The following CNTNAP2 variants were observed in gnomAD, a reference collection of about 807,000 sequenced individuals.
The protein encoded by CNTNAP2 is contactin associated protein 2.
A neutral mutation model predicts 155.2 loss-of-function variants in CNTNAP2; 98 were observed. The observed-to-expected ratio is 0.63, with a 90% CI of 0.54 to 0.75. The LOEUF is 0.75. CNTNAP2 is among the 30% of genes least tolerant of loss of function. The pLI is 0.00. For synonymous variants in CNTNAP2, 651 were observed against 631.2 expected (o/e 1.03, Z -0.47); for missense variants, 1,727 against 1,688.1 (o/e 1.02, Z -0.40).
intron 1 of CNTNAP2, among the ~76,000 whole-genome samples, chr7:146,721,752 T>TCTACATATATAGA: frequency 8.1e-6 from 1 of 123,486 alleles, no homozygotes; most frequent in African/African-American, 3.4e-5. Context: ...ATATATATAT[T>TCTACATATATAGA]CTATATATAG....
At chr7:147,725,978 C>A (rs1330187833) in intron 13 of CNTNAP2, among the ~76,000 whole-genome samples, 2 of 151,888 alleles carry the variant, frequency 1.3e-5, no homozygotes, top group Non-Finnish European at 2.9e-5. Flanking sequence ...GGGATGTTTT[C>A]TTTTTAACAA....
intron 1 of CNTNAP2, among the ~76,000 whole-genome samples, chr7:146,321,329 T>G (rs1402981284): frequency 6.6e-6 from 1 of 152,342 alleles, no homozygotes; most frequent in Admixed American, 6.5e-5. Context: ...AAATTTGTTT[T>G]ACTTTTTAGG....
At position 147,714,180 on chromosome 7, in the gene CNTNAP2, T is replaced by C. The variant is rs1360287504; in HGVS notation, c.2098+74874T>C. On this transcript the variant is annotated intron_variant, in intron 13 of 23. Coordinates refer to ENST00000361727, the MANE Select transcript of CNTNAP2 (RefSeq NM_014141.6). ...AAAAGGGACAAACAGTGCTGACTTGTGACTCTCCAAATCCTTCTCTTTCCC... is the reference window on the plus strand; with the variant it reads ...AAAAGGGACAAACAGTGCTGACTTGCGACTCTCCAAATCCTTCTCTTTCCC... 5.3e-5 allele frequency among the ~76,000 whole-genome samples: 8 copies of C among 151,986 alleles called. No homozygotes were observed. The South Asian group carries it at 6.2e-4, about 12-fold the overall frequency.
At chr7:148,338,330 T>G (rs1563049275) in intron 21 of CNTNAP2, among the ~76,000 whole-genome samples, 1 of 152,244 alleles carries the variant, frequency 6.6e-6, no homozygotes, top group Non-Finnish European at 1.5e-5. Flanking sequence ...TGATCCTTTT[T>G]GCAGAACCTG....
At chr7:146,771,184 T>G (rs1401703513) in intron 1 of CNTNAP2, among the ~76,000 whole-genome samples, 3 of 152,218 alleles carry the variant, frequency 2.0e-5, no homozygotes, top group Non-Finnish European at 4.4e-5. Flanking sequence ...CATAGCATAC[T>G]ATAAATTTAC....
intron 1 of CNTNAP2, among the ~76,000 whole-genome samples, chr7:146,720,376 G>A (rs1223451638): frequency 6.6e-6 from 1 of 152,050 alleles, no homozygotes; most frequent in Non-Finnish European, 1.5e-5. Flanking sequence ...GACCCTGGTA[G>A]CCTCCCTAGA....
chr7:147,003,093 A>G (rs1391088151), intron 3 of CNTNAP2, among the ~76,000 whole-genome samples: 1 of 152,086 alleles, frequency 6.6e-6, no homozygotes, highest in African/African-American at 2.4e-5. Flanking sequence ...TTTCAAACAA[A>G]GAAATGAATA....
intron 13 of CNTNAP2, among the ~76,000 whole-genome samples, chr7:147,699,251 T>C (rs1796203294): frequency 6.7e-6 from 1 of 148,402 alleles, no homozygotes; most frequent in Non-Finnish European, 1.5e-5. Context: ...AAAAAAACGC[T>C]TTTTAAAAGA....
At chr7:146,192,925 C>G (rs533006148) in intron 1 of CNTNAP2, among the ~76,000 whole-genome samples, 3 of 152,290 alleles carry the variant, frequency 2.0e-5, no homozygotes, top group East Asian at 3.9e-4. Flanking sequence ...GTAAATACAC[C>G]TGTTCCAAAT....
chr7:146,933,442 A>T (rs1453319855), intron 3 of CNTNAP2, among the ~76,000 whole-genome samples: 1 of 151,604 alleles, frequency 6.6e-6, no homozygotes, highest in Non-Finnish European at 1.5e-5. Context: ...TTAATTCAGG[A>T]TGGATTAAAG....
chr7:148,337,353 G>T lies in CNTNAP2; in HGVS notation c.3476-46296G>T, dbSNP rs904832474. ...CCACAAGGAGCCTCCTCCCTGAGCC[G>T]GGAGGACTTTCCTTCTCTCCTATGA... On this transcript the variant is annotated intron_variant, in intron 21 of 23. Coordinates refer to ENST00000361727, the MANE Select transcript of CNTNAP2 (RefSeq NM_014141.6). 2.6e-5 allele frequency among the ~76,000 whole-genome samples: 4 copies of T among 152,160 alleles called. No individual in the cohort carries two copies. In the East Asian group the frequency reaches 5.8e-4, roughly 22 times the overall value.
chr7:148,016,776 G>GT (rs910243337), intron 15 of CNTNAP2, among the ~76,000 whole-genome samples: 3 of 152,124 alleles, frequency 2.0e-5, no homozygotes, highest in African/African-American at 4.8e-5. Context: ...AATCACAGAG[G>GT]TTTTTTCATG....
intron 1 of CNTNAP2, among the ~76,000 whole-genome samples, chr7:146,626,496 A>C (rs1563162412): frequency 6.6e-6 from 1 of 152,116 alleles, no homozygotes; most frequent in African/African-American, 2.4e-5. Flanking sequence ...GTTGACTTAG[A>C]GTTACTAATT....
Position 148,228,361 on chromosome 7 carries a change from G to A in CNTNAP2, c.3248-1285G>A, listed in dbSNP as rs141793762. 6.0e-3 allele frequency among the ~76,000 whole-genome samples: 911 copies of A among 152,104 alleles called. 12 individuals carry two copies. The highest frequency in any genetic ancestry group is 0.02 in the African/African-American group (848 of 41,498). On this transcript the variant is annotated intron_variant, in intron 19 of 23. Transcript: ENST00000361727. ...TTTATTGTTGGGACGAAGCAAGGAG[G>A]AAAAAAAGAATATACTGTTGAGGCA...
chr7:147,698,480 A>C (rs1796192231), intron 13 of CNTNAP2, among the ~76,000 whole-genome samples: 1 of 152,224 alleles, frequency 6.6e-6, no homozygotes. Context: ...TTAAATATGA[A>C]AAAAAATCAT....
chr7:146,887,536 T>C lies in CNTNAP2; in HGVS notation c.402+47632T>C, dbSNP rs1406017840. The stretch of plus-strand genomic sequence containing the variant: ...CAGCCTGACCTTCATTATTAATAAG[T>C]ATGAGTAAAGCCATTGAATCAGTTT... On this transcript the variant is annotated intron_variant, in intron 3 of 23. Coordinates refer to ENST00000361727, the MANE Select transcript of CNTNAP2 (RefSeq NM_014141.6). Among the ~76,000 whole-genome samples, 3 of 152,136 alleles carry C rather than the reference T, an allele frequency of 2.0e-5. No individual in the cohort carries two copies. In the East Asian group the frequency reaches 5.8e-4, roughly 29 times the overall value.
chr7:147,841,995 G>A (rs1202033178), intron 13 of CNTNAP2, among the ~76,000 whole-genome samples: 1 of 132,354 alleles, frequency 7.6e-6, no homozygotes, highest in African/African-American at 3.0e-5. Context: ...TAAAAATTAT[G>A]ATACACAGTT....
At chr7:147,257,475 A>G (rs912069887) in intron 8 of CNTNAP2, among the ~76,000 whole-genome samples, 6 of 152,340 alleles carry the variant, frequency 3.9e-5, no homozygotes, top group Non-Finnish European at 5.9e-5. Context: ...GGGTGTGTGC[A>G]GGACCTTCTG....
At chr7:148,078,612 T>C (rs202212322) in intron 15 of CNTNAP2, among the ~76,000 whole-genome samples, 1 of 152,000 alleles carries the variant, frequency 6.6e-6, no homozygotes, top group Admixed American at 6.6e-5. Flanking sequence ...TCCTGAGTAG[T>C]TGGGATTACA....
Sources: allele counts gnomAD v4.1 joint callset (sites outside exome capture counted in the v4.1 genomes callset), GRCh38; gene constraint gnomAD v4.1.1; transcripts MANE v1.5; gene names NCBI Gene and HGNC (gene_info 2026-07-23, HGNC 2026-07-21).